The following GPX3 variants were observed in gnomAD, a reference collection of about 807,000 sequenced individuals.
GPX3 encodes the protein glutathione peroxidase 3, also known as GPx-3.
Under a neutral mutation model 25.1 loss-of-function variants are expected in GPX3, and 22 were observed. That is an observed-to-expected ratio of 0.88 (90% CI 0.63 to 1.25). The LOEUF (loss-of-function observed/expected upper bound fraction) is 1.25, where lower values mean the gene tolerates loss of function less well. Ranked by LOEUF, GPX3 falls within the 50% of genes most tolerant of loss-of-function variation. The pLI is 0.00. For synonymous variants in GPX3, 110 were observed against 114.5 expected, an observed-to-expected ratio of 0.96 and a Z score of 0.25; for missense variants, 278 against 286.6, an observed-to-expected ratio of 0.97 and a Z score of 0.22.
In GPX3 at chr5:151,020,674, C is replaced by A. The variant is rs764223263; in HGVS notation, c.20C>A (p.Ala7Glu). ...CCCGCCATGGCCCGGCTGCTGCAGG[C>A]GTCCTGCCTGCTTTCCCTGCTCCTG... MARLLQ[A>E]SCLLSLLLAG... The change falls in exon 1 of 5, where the codon GCG (alanine) becomes GAG (glutamate). Residue 7 changes from alanine to glutamate, a missense_variant. Coordinates refer to ENST00000388825, the MANE Select transcript of GPX3 (RefSeq NM_002084.5). 6.8e-6 allele frequency: 11 copies of A among 1,610,678 alleles called. No homozygotes were observed. In the Admixed American group the frequency reaches 1.7e-4, roughly 24 times the overall value.
chr5:151,021,303 G>T (rs1412883265), intron 1 of GPX3: 3 of 176,910 alleles, frequency 1.7e-5, no homozygotes, highest in Non-Finnish European at 3.6e-5. Flanking sequence ...AAGAGGCAGA[G>T]ATCTGTGCTA....
intron 2 of GPX3, chr5:151,026,607 T>C (rs1756552349): frequency 6.1e-6 from 2 of 329,168 alleles, no homozygotes; most frequent in South Asian, 9.5e-5. Flanking sequence ...TCTGAATGAG[T>C]GCTCTAGCTG....
intron 2 of GPX3, among the ~76,000 whole-genome samples, chr5:151,026,269 C>T (rs1358620802): frequency 6.6e-6 from 1 of 152,206 alleles, no homozygotes; most frequent in Admixed American, 6.5e-5. Flanking sequence ...GGCAATTTGA[C>T]CCTCCATGCT....
chr5:151,027,113 G>C, intron 3 of GPX3, 96 bp downstream of exon 3: 1 of 823,746 alleles, frequency 1.2e-6, no homozygotes, highest in Non-Finnish European at 2.0e-6. Flanking sequence ...CGGCCACCAA[G>C]AACTACTCTC....
At position 151,020,660 on chromosome 5, in the gene GPX3, C is replaced by T. The variant is rs1459422857; in HGVS notation, c.6C>T (p.Ala2=). ...GAGTGTGCCCCCACCCCGCCATGGCCCGGCTGCTGCAGGCGTCCTGCCTGC... is the reference window on the plus strand; with the variant it reads ...GAGTGTGCCCCCACCCCGCCATGGCTCGGCTGCTGCAGGCGTCCTGCCTGC... M[A]RLLQASCLLS... is the part of the protein sequence containing the mutation. Residue 2 remains alanine (A), a synonymous_variant, in exon 1 of 5, where the codon GCC becomes GCT. Coordinates refer to ENST00000388825, the MANE Select transcript of GPX3 (RefSeq NM_002084.5). The T allele has an allele frequency of 6.2e-7, 1 of 1,608,508 alleles. No homozygotes were observed. The highest frequency in any genetic ancestry group is 8.5e-7 in the Non-Finnish European group (1 of 1,178,142).
chr5:151,024,666 C>T (rs927132714), intron 1 of GPX3, among the ~76,000 whole-genome samples: 5 of 152,160 alleles, frequency 3.3e-5, no homozygotes, highest in Non-Finnish European at 5.9e-5. Context: ...TGCTCAGACC[C>T]GGAACATTAA....
chr5:151,025,594 C>T (rs181098579), intron 2 of GPX3, 101 bp downstream of exon 2: 112 of 1,042,744 alleles, frequency 1.1e-4, no homozygotes, highest in Admixed American at 1.8e-4. Flanking sequence ...ATGGCAATCA[C>T]GAGAGTCCAA....
At chr5:151,023,035 A>C (rs1756499386) in intron 1 of GPX3, among the ~76,000 whole-genome samples, 1 of 151,974 alleles carries the variant, frequency 6.6e-6, no homozygotes, top group South Asian at 2.1e-4. Context: ...AGAAAGACAC[A>C]AGACCAGCAG....
intron 2 of GPX3, 25 bp downstream of exon 2, chr5:151,025,518 C>T: frequency 6.4e-7 from 1 of 1,574,656 alleles, no homozygotes; most frequent in Non-Finnish European, 8.6e-7. Flanking sequence ...TTCCTCCCTG[C>T]TTTATTTGGG....
At chr5:151,027,388 T>A (rs1756566121) in intron 3 of GPX3, 44 bp from the exon 4 acceptor site, 1 of 1,282,956 alleles carries the variant, frequency 7.8e-7, no homozygotes, top group Admixed American at 1.7e-5. Context: ...TTCTGAGCCC[T>A]GTGCCCACCT....
rs756465162 is a variant in GPX3 at position 151,026,970 on chromosome 5, TG to T, written c.314del (p.Gly105GlufsTer?). The T allele has an allele frequency of 3.2e-5, 51 of 1,613,988 alleles. No individual in the cohort carries two copies. The highest frequency in any genetic ancestry group is 4.1e-5 in the Non-Finnish European group (48 of 1,179,984). On this transcript the variant is annotated frameshift_variant, in exon 3 of 5. Transcript: ENST00000388825. LOFTEE classifies it high-confidence loss of function. ...TTCTGGGCTTTCCCTGCAACCAATT[TG>T]GAAAACAGGAACCAGGAGAGAACTC... ...VILGFPCNQF[G>X]KQEPGENSEI...
rs1239024604 is a variant in GPX3, at chr5:151,020,637, G to C, written c.-18G>C. On this transcript the variant is annotated 5_prime_UTR_variant, in exon 1 of 5. Transcript: ENST00000388825. Reference sequence around the variant, plus strand: ...CAGGCAGCGGCTCAGGCGACCCTGAGTGTGCCCCCACCCCGCCATGGCCCG... The same window carrying C: ...CAGGCAGCGGCTCAGGCGACCCTGACTGTGCCCCCACCCCGCCATGGCCCG... The C allele has an allele frequency of 6.3e-7, 1 of 1,599,186 alleles. No homozygotes were observed. The highest frequency in any genetic ancestry group is 1.7e-5 in the Admixed American group (1 of 59,232).
At chr5:151,026,821 G>C in intron 2 of GPX3, 79 bp from the exon 3 acceptor site, 13 of 1,007,896 alleles carry the variant, frequency 1.3e-5, no homozygotes, top group Non-Finnish European at 2.0e-5. Context: ...GGCACAGCGG[G>C]TGAGCCGGGG....
intron 2 of GPX3, 58 bp downstream of exon 2, chr5:151,025,551 C>T (rs1457653315): frequency 8.9e-6 from 13 of 1,458,722 alleles, no homozygotes; most frequent in African/African-American, 4.3e-5. Context: ...ATTTCAATCA[C>T]AGGAGCTTTT....
Position 151,028,220 on chromosome 5 carries a change from C to A in GPX3, c.*90C>A. On this transcript the variant is annotated 3_prime_UTR_variant, in exon 5 of 5. Coordinates refer to ENST00000388825, the MANE Select transcript of GPX3 (RefSeq NM_002084.5). ...GTCTCCAACCACACTATCTACCCAT[C>A]ACAGACCCCTTTCCTATCACTCAAG... 2 of 1,151,284 alleles carry A rather than the reference C, an allele frequency of 1.7e-6. No individual in the cohort carries two copies. Among genetic ancestry groups the A allele is most frequent in the South Asian group, 2.7e-5 (2 of 72,770 alleles). 71.3% of individuals were successfully genotyped at this position (1,151,284 alleles called of 1,614,324 possible).
chr5:151,026,797 T>G (rs551169810), intron 2 of GPX3, 103 bp from the exon 3 acceptor site: 184 of 798,208 alleles, frequency 2.3e-4, no homozygotes, highest in South Asian at 8.6e-4. Flanking sequence ...TTCTCGGGCC[T>G]CAGTAGTTCC....
chr5:151,026,591 G>T, intron 2 of GPX3: 1 of 290,408 alleles, frequency 3.4e-6, no homozygotes, highest in East Asian at 6.2e-5. Context: ...ACTCAATCCT[G>T]AGGGTTCTGA....
intron 1 of GPX3, among the ~76,000 whole-genome samples, chr5:151,024,493 A>C (rs1756518610): frequency 6.6e-6 from 1 of 152,172 alleles, no homozygotes; most frequent in Admixed American, 6.5e-5. Flanking sequence ...GGTCCGAAGA[A>C]AAGAAAGGGC....
intron 2 of GPX3, chr5:151,026,684 T>C: frequency 2.1e-6 from 1 of 468,406 alleles, no homozygotes; most frequent in Non-Finnish European, 3.8e-6. Flanking sequence ...GTATTATTCT[T>C]GTCCTCCAAA....
Sources: allele counts gnomAD v4.1 joint callset (sites outside exome capture counted in the v4.1 genomes callset), GRCh38; gene constraint gnomAD v4.1.1; transcripts MANE v1.5; gene names NCBI Gene and HGNC (gene_info 2026-07-23, HGNC 2026-07-21).